Variants in TMC1 observed in about 807,000 individuals in gnomAD.
The protein encoded by TMC1 is transmembrane channel like 1.
TMC1 carries 84 observed loss-of-function variants against 105.8 expected under a neutral mutation model. The ratio of observed to expected loss-of-function variants is 0.79; its 90% confidence interval spans 0.67 to 0.95. The LOEUF (loss-of-function observed/expected upper bound fraction) is 0.95, where lower values mean the gene tolerates loss of function less well. TMC1 is among the 40% of genes least tolerant of loss of function. The pLI, the probability that TMC1 is intolerant of heterozygous loss-of-function variation, is 0.00. For synonymous variants in TMC1, 315 were observed against 311.5 expected, an observed-to-expected ratio of 1.01 and a Z score of -0.12; for missense variants, 817 against 914.1, an observed-to-expected ratio of 0.89 and a Z score of 1.37.
At chr9:72,763,924 CGATATGACTA>C (rs1427886526) in intron 12 of TMC1, among the ~76,000 whole-genome samples, 3 of 151,904 alleles carry the variant, frequency 2.0e-5, no homozygotes, top group Admixed American at 2.0e-4. Context: ...AAGAATCTTT[CGATATGACTA>C]GGTTAGAGAC....
At chr9:72,661,663 A>G (rs1261177348) in intron 5 of TMC1, among the ~76,000 whole-genome samples, 1 of 152,190 alleles carries the variant, frequency 6.6e-6, no homozygotes, top group African/African-American at 2.4e-5. Context: ...TGTTCCTTAT[A>G]TGACTACTGA....
In TMC1 at chr9:72,724,320, G is replaced by A. The variant is rs61374598; in HGVS notation, c.363-15799G>A. Among the ~76,000 whole-genome samples, 544 of 152,274 alleles carry A rather than the reference G, an allele frequency of 3.6e-3. 3 individuals are homozygous for A. Among genetic ancestry groups the A allele is most frequent in the African/African-American group, 0.013 (520 of 41,546 alleles). The stretch of plus-strand genomic sequence containing the variant: ...AAGGCATCACATGGTGAGCAAGGAC[G>A]AGAGACAGGGAGAAATGGGGCTGTA... On this transcript the variant is annotated intron_variant, in intron 8 of 23. Transcript: ENST00000297784.
intron 1 of TMC1, among the ~76,000 whole-genome samples, chr9:72,540,918 G>A (rs73649747): frequency 0.12 from 18,751 of 152,244 alleles, 1,324 homozygotes; most frequent in Non-Finnish European, 0.17. Context: ...AAGCTTCAGT[G>A]AGTTAATACA....
chr9:72,646,690 G>A (rs1430886137), intron 4 of TMC1, among the ~76,000 whole-genome samples: 13 of 151,676 alleles, frequency 8.6e-5, no homozygotes, highest in Non-Finnish European at 4.4e-5. Flanking sequence ...CTGGAGTGCA[G>A]TGGCACTATC....
chr9:72,760,615 G>A (rs1379244525), intron 12 of TMC1, among the ~76,000 whole-genome samples: 1 of 152,098 alleles, frequency 6.6e-6, no homozygotes, highest in Non-Finnish European at 1.5e-5. Context: ...GGAGATCTGA[G>A]CAGCACACCC....
chr9:72,681,004 C>T (rs150777829), intron 5 of TMC1, among the ~76,000 whole-genome samples: 24 of 152,160 alleles, frequency 1.6e-4, no homozygotes, highest in African/African-American at 5.5e-4. Context: ...AAAAATGCTA[C>T]GGAGGACAGA....
intron 18 of TMC1, among the ~76,000 whole-genome samples, chr9:72,806,343 T>TG (rs1240576707): frequency 5.8e-5 from 5 of 86,468 alleles, no homozygotes; most frequent in Non-Finnish European, 9.6e-5. Context: ...GCTGGCCGGG[T>TG]GGGGGGCTGA....
At chr9:72,522,039 A>G (rs961879205) in intron 1 of TMC1, 126 bp downstream of exon 1, 6 of 152,148 alleles carry the variant, frequency 3.9e-5, no homozygotes, top group Non-Finnish European at 7.3e-5. Context: ...AAATAAAACT[A>G]TATTTCCTCT....
At position 72,789,304 on chromosome 9, in the gene TMC1, G is replaced by T; in HGVS notation, c.1211G>T (p.Trp404Leu). 1 of 1,613,846 alleles carries T rather than the reference G, an allele frequency of 6.2e-7. No individual in the cohort carries two copies. The highest frequency in any genetic ancestry group is 8.5e-7 in the Non-Finnish European group (1 of 1,179,834). ...CAAGATCCTGACACCCTTGGGTGGTGGGAAAAAAATGAAGTTCGTCTCTGC... is the reference window on the plus strand; with the variant it reads ...CAAGATCCTGACACCCTTGGGTGGTTGGAAAAAAATGAAGTTCGTCTCTGC... ...AQQDPDTLGW[W>L]EKNEMNMVMS... is the part of the protein sequence containing the mutation. Residue 404 changes from tryptophan to leucine, a missense_variant, in exon 15 of 24, where the codon TGG becomes TTG. Physicochemically the swap from Trp to Leu is moderately conservative, Grantham distance 61. Coordinates refer to ENST00000297784, the MANE Select transcript of TMC1 (RefSeq NM_138691.3).
At chr9:72,664,970 G>A (rs1040565438) in intron 5 of TMC1, among the ~76,000 whole-genome samples, 5 of 152,086 alleles carry the variant, frequency 3.3e-5, no homozygotes, top group African/African-American at 9.7e-5. Context: ...AAAAGTGCTC[G>A]CCCTGGCTCC....
chr9:72,727,969 A>G (rs1311051381), intron 8 of TMC1, among the ~76,000 whole-genome samples: 4 of 152,138 alleles, frequency 2.6e-5, no homozygotes, highest in Non-Finnish European at 5.9e-5. Flanking sequence ...GCTTCACACT[A>G]AAAAAGAATT....
chr9:72,550,263 T>C (rs1327559422), intron 1 of TMC1, among the ~76,000 whole-genome samples: 1 of 150,934 alleles, frequency 6.6e-6, no homozygotes, highest in African/African-American at 2.4e-5. Context: ...AGGTCAGGAG[T>C]TGGAGACCAG....
chr9:72,823,377 G>A (rs1828904169), intron 20 of TMC1, among the ~76,000 whole-genome samples: 2 of 152,098 alleles, frequency 1.3e-5, no homozygotes, highest in Non-Finnish European at 2.9e-5. Context: ...AACCTTCCTG[G>A]TGAAGGTTGT....
At chr9:72,608,299 G>A (rs966998151) in intron 2 of TMC1, among the ~76,000 whole-genome samples, 1 of 152,144 alleles carries the variant, frequency 6.6e-6, no homozygotes, top group Non-Finnish European at 1.5e-5. Context: ...GATATGAAAC[G>A]GCTGCTTGGA....
intron 8 of TMC1, among the ~76,000 whole-genome samples, chr9:72,720,563 A>G (rs182980835): frequency 4.6e-4 from 70 of 152,328 alleles, no homozygotes; most frequent in African/African-American, 1.5e-3. Flanking sequence ...ACTTGGGCCA[A>G]TGATAGGTAC....
chr9:72,696,590 A>T (rs1336572776), intron 7 of TMC1, among the ~76,000 whole-genome samples: 5 of 152,172 alleles, frequency 3.3e-5, no homozygotes, highest in African/African-American at 7.2e-5. Context: ...TTATTTAACT[A>T]TTCAAGTAAT....
rs895010428 is a variant in TMC1, at chr9:72,837,702, T to A, written c.*1729T>A. The A allele has an allele frequency of 6.6e-6, 1 of 152,202 alleles. No homozygotes were observed. The highest frequency in any genetic ancestry group is 2.4e-5 in the African/African-American group (1 of 41,452). The allele number at this position is 152,202 out of a possible 1,614,324, so 9.4% of individuals were successfully genotyped here. A position where few individuals can be genotyped will look rare whatever the true frequency, so the allele number is the denominator to read the frequency against. On this transcript the variant is annotated 3_prime_UTR_variant, in exon 24 of 24. Coordinates refer to ENST00000297784, the MANE Select transcript of TMC1 (RefSeq NM_138691.3). ...TGCATAGCTTAACTCAGTGTGCCTT[T>A]CCAAAACTAAGCCAATTTGCTTGCC... is the stretch of plus-strand genomic sequence containing the variant.
At chr9:72,788,271 C>G in intron 13 of TMC1, 68 bp from the exon 14 acceptor site, 1 of 1,559,944 alleles carries the variant, frequency 6.4e-7, no homozygotes. Flanking sequence ...CACTCATGAT[C>G]ATGTTTTGTT....
chr9:72,605,017 A>G (rs1190510664), intron 2 of TMC1, among the ~76,000 whole-genome samples: 1 of 152,248 alleles, frequency 6.6e-6, no homozygotes, highest in Non-Finnish European at 1.5e-5. Context: ...TCAATTGTTT[A>G]TATGCTATTC....
Sources: gnomAD v4.1 joint callset for allele counts (sites outside exome capture counted in the v4.1 genomes callset) on GRCh38, gnomAD v4.1.1 for gene constraint, MANE v1.5 for transcripts, NCBI Gene and HGNC (gene_info 2026-07-23, HGNC 2026-07-21) for gene names.